Variants in STAT4 observed in about 807,000 individuals in gnomAD.
The protein encoded by STAT4 is signal transducer and activator of transcription 4.
In STAT4, 42 loss-of-function variants were observed where a neutral mutation model predicts 110.5. The ratio of observed to expected loss-of-function variants is 0.38; its 90% CI spans 0.30 to 0.49. The LOEUF is 0.49. Among genes scored for constraint, STAT4 ranks in the 20% least tolerant of loss-of-function variants. The pLI is 0.95. For missense variants in STAT4, 632 were observed against 887.9 expected, an observed-to-expected ratio of 0.71 and a Z score of 3.66; for synonymous variants, 284 against 302.2, an observed-to-expected ratio of 0.94 and a Z score of 0.63.
chr2:191,061,893 C>G lies in STAT4; in HGVS notation c.942-72G>C. The G allele has an allele frequency of 1.4e-6, 2 of 1,432,168 alleles. No individual in the cohort carries two copies. The highest frequency in any genetic ancestry group is 2.0e-6 in the Non-Finnish European group (2 of 1,025,340). The allele number at this position is 1,432,168 out of a possible 1,614,324, so 88.7% of individuals were successfully genotyped here. A position where few individuals can be genotyped will look rare whatever the true frequency, so the allele number is the denominator to read the frequency against. On this transcript the variant is annotated intron_variant, in intron 9 of 23. Coordinates refer to ENST00000392320, the MANE Select transcript of STAT4 (RefSeq NM_003151.4). This position sits in a 1 kb window ranked among gnomAD's most constrained non-coding sequence, Gnocchi z 6.2. ...ATTGAGACTGAAAACCACAGAGGAA[C>G]AGGATGCTATCCACTCAAAGTCCAA...
At chr2:191,065,737 G>A (rs1445522297) in intron 7 of STAT4, among the ~76,000 whole-genome samples, 2 of 152,104 alleles carry the variant, frequency 1.3e-5, no homozygotes, top group East Asian at 3.8e-4. Flanking sequence ...GAAAATAAAT[G>A]TTATACTTGT....
chr2:191,062,719 T>C lies in STAT4; in HGVS notation c.941+43A>G. 1.2e-6 allele frequency: 2 copies of C among 1,609,506 alleles called. No individual in the cohort carries two copies. Among genetic ancestry groups the C allele is most frequent in the Non-Finnish European group, 1.7e-6 (2 of 1,177,360 alleles). On this transcript the variant is annotated intron_variant, in intron 9 of 23. Transcript: ENST00000392320. The surrounding 1 kb of genome is among the most constrained non-coding windows in gnomAD (Gnocchi z 4.9). The stretch of plus-strand genomic sequence containing the variant: ...ACCAAAACCTTAGGAAGGGTGTTCT[T>C]ACTTCACAGAATGGAGGATGCCATT...
Position 191,050,029 on chromosome 2 carries a change from GA to G in STAT4, c.1251+4460del, listed in dbSNP as rs1426385476. ...CATCTGTTTGGCTATTTTGTTAAAT[GA>G]AACTCAAGTCACCCAGGCTTTACTA... On this transcript the variant is annotated intron_variant, in intron 14 of 23. Coordinates refer to ENST00000392320, the MANE Select transcript of STAT4 (RefSeq NM_003151.4). This position sits in a 1 kb window ranked among gnomAD's most constrained non-coding sequence, Gnocchi z 4.3. Among the ~76,000 whole-genome samples, 2 of 152,138 alleles carry G rather than the reference GA, an allele frequency of 1.3e-5. No homozygotes were observed. The highest frequency in any genetic ancestry group is 2.9e-5 in the Non-Finnish European group (2 of 68,012).
intron 16 of STAT4, among the ~76,000 whole-genome samples, chr2:191,038,686 C>T (rs763501918): frequency 9.2e-5 from 14 of 152,142 alleles, no homozygotes; most frequent in African/African-American, 1.4e-4. Context: ...AGTGTCACAA[C>T]GACCAGATAG....
At chr2:191,120,086 T>G (rs1186308024) in intron 3 of STAT4, among the ~76,000 whole-genome samples, 1 of 152,026 alleles carries the variant, frequency 6.6e-6, no homozygotes, top group Non-Finnish European at 1.5e-5. Context: ...ACTAAAACAC[T>G]AAAGGTCCCA....
chr2:191,127,961 C>T (rs139415272), intron 3 of STAT4, among the ~76,000 whole-genome samples: 2 of 152,160 alleles, frequency 1.3e-5, no homozygotes, highest in African/African-American at 4.8e-5. Flanking sequence ...TGGAGTCTTC[C>T]GTTGATCATA....
At chr2:191,141,146 C>G (rs1422599477) in intron 3 of STAT4, among the ~76,000 whole-genome samples, 1 of 151,848 alleles carries the variant, frequency 6.6e-6, no homozygotes, top group Admixed American at 6.6e-5. Flanking sequence ...GTACACTGCT[C>G]AGGTGACAGG....
rs1699484525 is a variant in STAT4, at chr2:191,147,190, A to T, written c.129-433T>A. On this transcript the variant is annotated intron_variant, in intron 2 of 23. Transcript: ENST00000392320. The surrounding 1 kb of genome is among the most constrained non-coding windows in gnomAD (Gnocchi z 4.1). ...GAATTAAAAGCAGGGACTCAAACAG[A>T]TATTTGCATACCAATGTTCCTAGCA... Among the ~76,000 whole-genome samples the T allele has an allele frequency of 1.3e-5, 2 of 152,208 alleles. No individual in the cohort carries two copies. Among genetic ancestry groups the T allele is most frequent in the South Asian group, 2.1e-4 (1 of 4,832 alleles).
At chr2:191,109,596 T>C (rs1331680869) in intron 3 of STAT4, among the ~76,000 whole-genome samples, 1 of 152,242 alleles carries the variant, frequency 6.6e-6, no homozygotes, top group African/African-American at 2.4e-5. Flanking sequence ...AAGGCTGACC[T>C]GGAACTCAAA....
At chr2:191,057,735 A>G (rs1696746117) in intron 13 of STAT4, among the ~76,000 whole-genome samples, 2 of 151,292 alleles carry the variant, frequency 1.3e-5, no homozygotes, top group Admixed American at 1.3e-4. Context: ...AATAGCTGGG[A>G]TTACAGGCGC....
chr2:191,064,199 G>A (rs1696923240), intron 8 of STAT4, among the ~76,000 whole-genome samples: 2 of 152,156 alleles, frequency 1.3e-5, no homozygotes, highest in Admixed American at 1.3e-4. Context: ...ATGTTTTGAT[G>A]TATGTAAACA....
intron 3 of STAT4, among the ~76,000 whole-genome samples, chr2:191,101,174 T>G (rs1158784978): frequency 6.6e-6 from 1 of 152,140 alleles, no homozygotes; most frequent in Non-Finnish European, 1.5e-5. Context: ...CAGAAAAAAT[T>G]TTAAATGCAA....
Position 191,030,643 on chromosome 2 carries a change from T to C in STAT4, c.2220+329A>G, listed in dbSNP as rs1253127435. 4.7e-6 allele frequency: 1 copy of C among 214,712 alleles called. No homozygotes were observed. Among genetic ancestry groups the C allele is most frequent in the Non-Finnish European group, 9.5e-6 (1 of 105,338 alleles). The allele number at this position is 214,712 out of a possible 1,614,324, so 13.3% of individuals were successfully genotyped here. On this transcript the variant is annotated intron_variant, in intron 23 of 23. Coordinates refer to ENST00000392320, the MANE Select transcript of STAT4 (RefSeq NM_003151.4). The surrounding 1 kb of genome is among the most constrained non-coding windows in gnomAD (Gnocchi z 4.4). Reference sequence around the variant, plus strand: ...ATATTGACCAATAAATGGTGTTTGCTAAAGTAGAGAGTGGTGGGGAGTGAG... The same window carrying C: ...ATATTGACCAATAAATGGTGTTTGCCAAAGTAGAGAGTGGTGGGGAGTGAG...
chr2:191,068,961 A>G (rs1338319334), intron 6 of STAT4, among the ~76,000 whole-genome samples: 4 of 152,154 alleles, frequency 2.6e-5, no homozygotes, highest in Non-Finnish European at 5.9e-5. Context: ...AAAATAGTAA[A>G]ATAAATTGCA....
Position 191,031,504 on chromosome 2 carries a change from G to A in STAT4, c.2057C>T (p.Thr686Ile). ...AACATAACCTTTGTCACCCCTTTCTGTTGGTCTTGAAACTGGAAAACAAAA... is the reference window on the plus strand; with the variant it reads ...AACATAACCTTTGTCACCCCTTTCTATTGGTCTTGAAACTGGAAAACAAAA... ...SSQPCEVSRP[T>I]ERGDKGYVPS... The change falls in exon 22 of 24, where the codon ACA becomes ATA. Residue 686 changes from threonine to isoleucine, a missense_variant. Transcript: ENST00000392320. The surrounding 1 kb of genome is among the most constrained non-coding windows in gnomAD (Gnocchi z 4.8). 6.2e-7 allele frequency: 1 copy of A among 1,613,106 alleles called. No homozygotes were observed. Among genetic ancestry groups the A allele is most frequent in the Non-Finnish European group, 8.5e-7 (1 of 1,179,514 alleles).
Position 191,073,089 on chromosome 2 carries a change from A to G in STAT4, c.465+9T>C, listed in dbSNP as rs1697212499. On this transcript the variant is annotated intron_variant, in intron 5 of 23. Coordinates refer to ENST00000392320, the MANE Select transcript of STAT4 (RefSeq NM_003151.4). ...TAGACTTTCTAGGTATCTGTATAAA[A>G]GCACTTACCTGCACACTGTTTTTAA... is the stretch of plus-strand genomic sequence containing the variant. 1 of 1,612,684 alleles carries G rather than the reference A, an allele frequency of 6.2e-7. No individual in the cohort carries two copies.
rs540403761 is a variant in STAT4, at chr2:191,043,789, C to T, written c.1252-2641G>A. Among the ~76,000 whole-genome samples, 41 of 152,046 alleles carry T rather than the reference C, an allele frequency of 2.7e-4. No individual in the cohort carries two copies. Among genetic ancestry groups the T allele is most frequent in the South Asian group, 8.3e-4 (4 of 4,816 alleles). On this transcript the variant is annotated intron_variant, in intron 14 of 23. Coordinates refer to ENST00000392320, the MANE Select transcript of STAT4 (RefSeq NM_003151.4). The surrounding 1 kb of genome is among the most constrained non-coding windows in gnomAD (Gnocchi z 4.8). ...AATGATCCACAGCAACATGAATCAA[C>T]GTAGGAATGAGTCTCAGAAAATATT...
intron 3 of STAT4, among the ~76,000 whole-genome samples, chr2:191,096,415 T>C (rs1292986174): frequency 1.3e-5 from 2 of 152,188 alleles, no homozygotes; most frequent in Non-Finnish European, 2.9e-5. Context: ...AAAAAGCTTA[T>C]CCACCACGAT....
rs1446464859 is a variant in STAT4 at position 191,090,279 on chromosome 2, C to G, written c.274-13954G>C. ...ATTGTCTTACTAAAAAGTTTCAGTT[C>G]TCATATGCCCTCCTTATGCTATTCC... On this transcript the variant is annotated intron_variant, in intron 3 of 23. Transcript: ENST00000392320. This position sits in a 1 kb window ranked among gnomAD's most constrained non-coding sequence, Gnocchi z 4.2. Among the ~76,000 whole-genome samples, 1 of 151,994 alleles carries G rather than the reference C, an allele frequency of 6.6e-6. No individual in the cohort carries two copies. Among genetic ancestry groups the G allele is most frequent in the Non-Finnish European group, 1.5e-5 (1 of 67,982 alleles).
Sources: gnomAD v4.1 joint callset for allele counts (sites outside exome capture counted in the v4.1 genomes callset) on GRCh38, gnomAD v4.1.1 for gene constraint, Gnocchi (gnomAD v3.1) non-coding constraint, MANE v1.5 for transcripts, NCBI Gene and HGNC (gene_info 2026-07-23, HGNC 2026-07-21) for gene names.